Variants in P3H2 observed in about 807,000 individuals in gnomAD.
P3H2 encodes leprecan-like 1.
P3H2 carries 80 observed loss-of-function variants against 87.0 expected under a neutral mutation model. That is an observed-to-expected ratio of 0.92 (90% confidence interval 0.77 to 1.11). P3H2 has a LOEUF of 1.11. Among genes scored for constraint, P3H2 ranks in the 50% least tolerant of loss-of-function variants. The pLI is 0.00. For missense variants in P3H2, 1,001 were observed against 923.9 expected (o/e 1.08, Z -1.08); for synonymous variants, 367 against 359.3 (o/e 1.02, Z -0.24).
chr3:190,075,713 A>C (rs1178135820), intron 1 of P3H2, among the ~76,000 whole-genome samples: 1 of 152,040 alleles, frequency 6.6e-6, no homozygotes, highest in Non-Finnish European at 1.5e-5. Flanking sequence ...GAAAGAGAGA[A>C]GTGGAAGAGA....
Position 189,987,549 on chromosome 3 carries a change from G to C in P3H2, c.1076C>G (p.Pro359Arg), listed in dbSNP as rs753433171. The change falls in exon 5 of 15, where the codon CCG becomes CGG. Residue 359 changes from proline (P) to arginine (R), a missense_variant. By Grantham distance (103) the Pro-to-Arg change is moderately radical. Coordinates refer to ENST00000319332, the MANE Select transcript of P3H2 (RefSeq NM_018192.4). ...YESLLDDSID[P>R]ASIEAREDLT... ...CACCTCTCTGGCCTCAATGGATGCC[G>C]GGTCAATGCTATCATCCAGCAGACT... 6.2e-7 allele frequency: 1 copy of C among 1,613,776 alleles called. No individual in the cohort carries two copies. The highest frequency in any genetic ancestry group is 8.5e-7 in the Non-Finnish European group (1 of 1,179,938).
chr3:189,963,881 G>T, intron 14 of P3H2, 77 bp downstream of exon 14: 1 of 1,470,508 alleles, frequency 6.8e-7, no homozygotes, highest in Non-Finnish European at 9.5e-7. Context: ...CTCAGACGAA[G>T]CAATTTAAAG....
chr3:190,120,817 CG>C lies in P3H2; in HGVS notation c.-87del. The stretch of plus-strand genomic sequence containing the variant: ...CCGGGTCCCCTCTCCCACCTTCCCT[CG>C]GGGAAGCGCGCCGACTCCGCCGCGA... On this transcript the variant is annotated 5_prime_UTR_variant, in exon 1 of 15. Coordinates refer to ENST00000319332, the MANE Select transcript of P3H2 (RefSeq NM_018192.4). 6.8e-7 allele frequency: 1 copy of C among 1,463,294 alleles called. No individual in the cohort carries two copies. The highest frequency in any genetic ancestry group is 9.0e-7 in the Non-Finnish European group (1 of 1,110,634). The allele number at this position is 1,463,294 out of a possible 1,614,324, so 90.6% of individuals were successfully genotyped here.
chr3:190,096,454 G>A (rs1400979804), intron 1 of P3H2, among the ~76,000 whole-genome samples: 1 of 137,004 alleles, frequency 7.3e-6, no homozygotes, highest in Non-Finnish European at 1.5e-5. Flanking sequence ...CTTTCACTAT[G>A]ACTGTAAGCT....
At chr3:189,993,966 G>T (rs1465927746) in intron 3 of P3H2, 128 bp downstream of exon 3, 3 of 757,922 alleles carry the variant, frequency 4.0e-6, no homozygotes, top group East Asian at 5.4e-5. Context: ...GAGATAGGCT[G>T]GGATAGACAC....
At chr3:190,020,049 G>T (rs1724889613) in intron 1 of P3H2, among the ~76,000 whole-genome samples, 1 of 132,910 alleles carries the variant, frequency 7.5e-6, no homozygotes, top group African/African-American at 2.6e-5. Context: ...CAAACCTGAA[G>T]ACTTTAATTA....
At chr3:190,000,492 C>G (rs866781762) in intron 1 of P3H2, among the ~76,000 whole-genome samples, 1 of 152,188 alleles carries the variant, frequency 6.6e-6, no homozygotes, top group Admixed American at 6.5e-5. Flanking sequence ...AAAGTAATTT[C>G]AGATTGTATT....
At position 189,983,552 on chromosome 3, in the gene P3H2, T is replaced by C. The variant is rs149685492; in HGVS notation, c.1230-412A>G. 493 of 163,948 alleles carry C rather than the reference T, an allele frequency of 3.0e-3. 6 individuals carry two copies. Among genetic ancestry groups the C allele is most frequent in the African/African-American group, 0.011 (462 of 41,904 alleles). The allele number at this position is 163,948 out of a possible 1,614,324, so 10.2% of individuals were successfully genotyped here. On this transcript the variant is annotated intron_variant, in intron 7 of 14. Coordinates refer to ENST00000319332, the MANE Select transcript of P3H2 (RefSeq NM_018192.4). Reference sequence around the variant, plus strand: ...GTCATAATGTAGTAGTTCTTGACTATTGTGAAAAGAAGACACAGGTTTGTC... The same window carrying C: ...GTCATAATGTAGTAGTTCTTGACTACTGTGAAAAGAAGACACAGGTTTGTC...
chr3:189,966,887 T>C (rs1223343566), intron 13 of P3H2, among the ~76,000 whole-genome samples: 1 of 152,244 alleles, frequency 6.6e-6, no homozygotes, highest in South Asian at 2.1e-4. Flanking sequence ...TGTGCTGTAA[T>C]TGTCTTTAAT....
intron 8 of P3H2, among the ~76,000 whole-genome samples, chr3:189,975,640 G>C (rs947787317): frequency 6.6e-6 from 1 of 152,156 alleles, no homozygotes; most frequent in African/African-American, 2.4e-5. Flanking sequence ...GCCACCCCAG[G>C]TCTAGCAAAG....
chr3:190,066,158 T>TATATATATATATATACACAC (rs1256956930), intron 1 of P3H2, among the ~76,000 whole-genome samples: 19 of 134,598 alleles, frequency 1.4e-4, no homozygotes, highest in African/African-American at 5.9e-4. Context: ...TATATATATA[T>TATATATATATATATACACAC]ACACACACAC....
chr3:190,089,220 G>C (rs1577318027), intron 1 of P3H2, among the ~76,000 whole-genome samples: 2 of 152,282 alleles, frequency 1.3e-5, no homozygotes, highest in Non-Finnish European at 2.9e-5. Context: ...GGCCTGTCGT[G>C]GGGCGGGGGA....
chr3:189,974,948 T>C (rs1723304287), intron 8 of P3H2, among the ~76,000 whole-genome samples: 1 of 152,210 alleles, frequency 6.6e-6, no homozygotes, highest in African/African-American at 2.4e-5. Context: ...CTTTTGCATT[T>C]GTTTCTAATG....
At chr3:190,081,875 T>C (rs542515780) in intron 1 of P3H2, among the ~76,000 whole-genome samples, 5 of 152,176 alleles carry the variant, frequency 3.3e-5, no homozygotes, top group Admixed American at 2.6e-4. Flanking sequence ...TTATGAAGTA[T>C]AAAAATGTGC....
chr3:190,081,685 C>T (rs1727049927), intron 1 of P3H2, among the ~76,000 whole-genome samples: 1 of 151,966 alleles, frequency 6.6e-6, no homozygotes, highest in South Asian at 2.1e-4. Context: ...CCATGCTAGC[C>T]CTGCATATTA....
chr3:189,995,522 A>G (rs1577261643), intron 1 of P3H2, 80 bp from the exon 2 acceptor site: 1 of 1,453,900 alleles, frequency 6.9e-7, no homozygotes, highest in African/African-American at 1.6e-5. Context: ...TCAATCCAAA[A>G]TCTCACAGTT....
chr3:189,963,971 A>C lies in P3H2; in HGVS notation c.2021T>G (p.Leu674Arg). The change falls in exon 14 of 15, where the codon CTT becomes CGT. Residue 674 changes from leucine (L) to arginine (R), a missense_variant. Physicochemically the swap from Leu to Arg is moderately radical, Grantham distance 102. Transcript: ENST00000319332. ...AVALWFTLDP[L>R]YRELERIQAD... ...TGAGAAACTCACCAATTCTCTATAA[A>C]GTGGGTCCAAGGTGAACCACAGAGC... The C allele has an allele frequency of 6.2e-7, 1 of 1,614,168 alleles. No individual in the cohort carries two copies. The highest frequency in any genetic ancestry group is 1.7e-4 in the Middle Eastern group (1 of 6,058).
At chr3:190,120,965 A>G, upstream of P3H2, 1 of 560,838 alleles carries the variant, frequency 1.8e-6, no homozygotes, top group Non-Finnish European at 2.9e-6. Flanking sequence ...CTGCTGCCTG[A>G]GACTCCGAGA....
At chr3:189,972,702 C>T (rs1377730483) in intron 11 of P3H2, among the ~76,000 whole-genome samples, 172 bp downstream of exon 11, 2 of 151,878 alleles carry the variant, frequency 1.3e-5, no homozygotes, top group African/African-American at 4.8e-5. Context: ...TTCAGAAGAA[C>T]AAAAGGAAGA....
Sources: allele counts gnomAD v4.1 joint callset (sites outside exome capture counted in the v4.1 genomes callset), GRCh38; gene constraint gnomAD v4.1.1; transcripts MANE v1.5; gene names NCBI Gene and HGNC (gene_info 2026-07-23, HGNC 2026-07-21).